The following HYDIN variants were observed in gnomAD, a reference collection of about 807,000 sequenced individuals.
HYDIN encodes axonemal central pair apparatus protein HYDIN.
Under a neutral mutation model 403.9 loss-of-function variants are expected in HYDIN, and 132 were observed. The ratio of observed to expected loss-of-function variants is 0.33; its 90% CI spans 0.28 to 0.38. The LOEUF (loss-of-function observed/expected upper bound fraction) is 0.38. HYDIN is among the 10% of genes least tolerant of loss of function. The probability of loss-of-function intolerance (pLI) is 1.00; values close to 1 mark genes in which losing one functional copy is unlikely to be tolerated. For synonymous variants in HYDIN, 1,202 were observed against 1,891.7 expected (o/e 0.64, Z 9.46); for missense variants, 2,827 against 5,009.5 (o/e 0.56, Z 13.15).
rs530131010 is a variant in HYDIN, at chr16:71,041,579, T to C, written c.2530-9662A>G. On this transcript the variant is annotated intron_variant, in intron 18 of 85. Coordinates refer to ENST00000393567, the MANE Select transcript of HYDIN (RefSeq NM_001270974.2). The stretch of plus-strand genomic sequence containing the variant: ...TCCTTAATAATTCATATTAAGTGAC[T>C]ACAATACATTGTTGAGTGAAAATAA... Among the ~76,000 whole-genome samples the C allele has an allele frequency of 2.0e-5, 3 of 152,138 alleles. No homozygotes were observed. In the South Asian group the frequency reaches 6.2e-4, roughly 32 times the overall value.
chr16:71,009,503 C>A (rs1246962799), intron 23 of HYDIN, among the ~76,000 whole-genome samples: 5 of 151,812 alleles, frequency 3.3e-5, no homozygotes, highest in Non-Finnish European at 1.5e-5. Context: ...CACAAGAACT[C>A]AATGCCAGTA....
chr16:71,136,766 C>CAAAAAAAAAAAAA (rs72061209), intron 8 of HYDIN, among the ~76,000 whole-genome samples: 1 of 101,398 alleles, frequency 9.9e-6, no homozygotes. Flanking sequence ...GACTCCATCT[C>CAAAAAAAAAAAAA]AAAAAAAAAA....
intron 21 of HYDIN, among the ~76,000 whole-genome samples, chr16:71,020,612 C>T (rs565874520): frequency 9.9e-5 from 15 of 152,216 alleles, no homozygotes; most frequent in Non-Finnish European, 2.1e-4. Context: ...AGTTTGAGAC[C>T]AGCCTGGCCA....
chr16:71,057,686 C>G (rs1351161150), intron 18 of HYDIN, among the ~76,000 whole-genome samples: 1 of 151,352 alleles, frequency 6.6e-6, no homozygotes, highest in Admixed American at 6.6e-5. Context: ...AAAATTTTCG[C>G]AACCTACTCA....
chr16:71,031,199 C>CAA (rs376968331), intron 19 of HYDIN, among the ~76,000 whole-genome samples: 1,029 of 25,190 alleles, frequency 0.041, 104 homozygotes, highest in African/African-American at 0.13. Flanking sequence ...GACTCCATCT[C>CAA]AAAAAAAAAA....
rs555956516 is a variant in HYDIN at position 70,837,878 on chromosome 16, G to C, written c.13054C>G (p.Leu4352Val). The C allele has an allele frequency of 6.2e-7, 1 of 1,613,644 alleles. No homozygotes were observed. The highest frequency in any genetic ancestry group is 1.3e-5 in the African/African-American group (1 of 75,022). ...KEETPMSIDCLYTNTTHLEVN... is the reference protein window; with the variant it reads ...KEETPMSIDCVYTNTTHLEVN... Reference sequence around the variant, plus strand: ...TCGAGGTGAGTGGTGTTGGTGTACAGACAATCTATGCTGCAGAAAATCAAG... The same window carrying C: ...TCGAGGTGAGTGGTGTTGGTGTACACACAATCTATGCTGCAGAAAATCAAG... Residue 4352 changes from leucine to valine, a missense_variant, in exon 77 of 86, where the codon CTG (leucine) becomes GTG (valine). Leu to Val is a conservative substitution (Grantham distance 32, BLOSUM62 1). Transcript: ENST00000393567.
chr16:71,200,434 T>C (rs913660994), intron 1 of HYDIN, among the ~76,000 whole-genome samples: 1 of 152,200 alleles, frequency 6.6e-6, no homozygotes, highest in Non-Finnish European at 1.5e-5. Context: ...ACTGAGAGCA[T>C]GGCTTAGGTT....
intron 5 of HYDIN, among the ~76,000 whole-genome samples, chr16:71,172,999 G>A (rs1452420914): frequency 2.0e-5 from 3 of 152,198 alleles, no homozygotes; most frequent in African/African-American, 7.2e-5. Flanking sequence ...TCTGCGCACT[G>A]CCCTGGGGAA....
chr16:70,934,119 C>G (rs1232971438), intron 45 of HYDIN, among the ~76,000 whole-genome samples: 2 of 151,996 alleles, frequency 1.3e-5, no homozygotes, highest in Admixed American at 6.6e-5. Flanking sequence ...TGGAGGAGGA[C>G]GTCAAGCAAG....
In HYDIN at chr16:70,902,819, A is replaced by ATG. The variant is rs1444020291; in HGVS notation, c.8849+805_8849+806insCA. Among the ~76,000 whole-genome samples the ATG allele has an allele frequency of 9.3e-4, 16 of 17,198 alleles. 1 individual carries two copies. In the Admixed American group the frequency reaches 0.01, roughly 11 times the overall value. The allele number at this position is 17,198 out of a possible 152,430, so 11.3% of individuals were successfully genotyped here. On this transcript the variant is annotated intron_variant, in intron 52 of 85. Coordinates refer to ENST00000393567, the MANE Select transcript of HYDIN (RefSeq NM_001270974.2). ...AATATATATATATATATATATATAT[A>ATG]TATTTTTTTTTTTTTTTTTGTCCCA...
intron 47 of HYDIN, among the ~76,000 whole-genome samples, chr16:70,910,050 A>T (rs2076651485): frequency 6.6e-6 from 1 of 151,750 alleles, no homozygotes; most frequent in Non-Finnish European, 1.5e-5. Flanking sequence ...CAAAGTTCCT[A>T]TATTGTGTTT....
chr16:70,902,809 ATATATATATATATTTT>A (rs1567799132), intron 52 of HYDIN, among the ~76,000 whole-genome samples: 1 of 66,180 alleles, frequency 1.5e-5, no homozygotes, highest in Non-Finnish European at 2.5e-5. Flanking sequence ...ATATATATAT[ATATATATATATATTTT>A]TTTTTTTTTT....
chr16:71,192,581 T>C (rs2087488519), intron 1 of HYDIN, among the ~76,000 whole-genome samples: 1 of 152,102 alleles, frequency 6.6e-6, no homozygotes, highest in African/African-American at 2.4e-5. Flanking sequence ...CCTTTCTTGC[T>C]CTCCCACCCC....
At chr16:71,224,821 A>G (rs373317296) in intron 1 of HYDIN, among the ~76,000 whole-genome samples, 3 of 152,048 alleles carry the variant, frequency 2.0e-5, no homozygotes, top group East Asian at 1.9e-4. Context: ...TCGGCCTCCC[A>G]AAGTGCTGGG....
chr16:71,124,107 G>C (rs1372989787), intron 9 of HYDIN, among the ~76,000 whole-genome samples: 1 of 150,976 alleles, frequency 6.6e-6, no homozygotes, highest in Non-Finnish European at 1.5e-5. Context: ...CCGTCTGTTC[G>C]ATCACAAGGA....
intron 15 of HYDIN, among the ~76,000 whole-genome samples, chr16:71,065,866 T>G (rs1295417804): frequency 6.6e-6 from 1 of 152,208 alleles, no homozygotes. Context: ...GCAATTCTTC[T>G]GTTAAGAGTC....
intron 1 of HYDIN, among the ~76,000 whole-genome samples, chr16:71,208,053 A>G (rs1029610387): frequency 1.3e-5 from 2 of 152,208 alleles, no homozygotes; most frequent in South Asian, 2.1e-4. Flanking sequence ...TAAACTCAAC[A>G]CTAGATCAAA....
At chr16:70,899,577 T>C (rs1246394861) in intron 53 of HYDIN, among the ~76,000 whole-genome samples, 2 of 152,106 alleles carry the variant, frequency 1.3e-5, no homozygotes, top group Non-Finnish European at 2.9e-5. Context: ...TGTCTGTTTT[T>C]TAGTCACCCA....
Position 70,807,998 on chromosome 16 carries a change from G to A in HYDIN, c.14948C>T (p.Thr4983Ile), listed in dbSNP as rs762302269. ...INAAPGGQGGTEASVEVLFEP... is the reference protein window; with the variant it reads ...INAAPGGQGGIEASVEVLFEP... ...GAATAAGACTTCCACACTGGCTTCA[G>A]TGCCTCCCTGGCCTCCTGGGGCTGC... The change falls in exon 86 of 86, where the codon ACT becomes ATT. Residue 4983 changes from threonine (T) to isoleucine (I), a missense_variant. Transcript: ENST00000393567. 1 of 1,614,112 alleles carries A rather than the reference G, an allele frequency of 6.2e-7. No individual in the cohort carries two copies. The highest frequency in any genetic ancestry group is 1.1e-5 in the South Asian group (1 of 91,086).
Sources: allele counts gnomAD v4.1 joint callset (sites outside exome capture counted in the v4.1 genomes callset), GRCh38; gene constraint gnomAD v4.1.1; transcripts MANE v1.5; gene names NCBI Gene and HGNC (gene_info 2026-07-23, HGNC 2026-07-21).